The following MCCC2 variants were observed in gnomAD, a reference collection of about 807,000 sequenced individuals.
MCCC2 encodes methylcrotonoyl-CoA carboxylase beta chain, mitochondrial.
A neutral mutation model predicts 77.2 loss-of-function variants in MCCC2; 52 were observed. The observed-to-expected ratio is 0.67, with a 90% CI of 0.54 to 0.85. MCCC2 has a LOEUF of 0.85. Among genes scored for constraint, MCCC2 ranks in the 40% least tolerant of loss-of-function variants. The pLI is 0.00. For synonymous variants in MCCC2, 253 were observed against 248.4 expected, an observed-to-expected ratio of 1.02 and a Z score of -0.18; for missense variants, 682 against 703.2, an observed-to-expected ratio of 0.97 and a Z score of 0.34.
intron 3 of MCCC2, among the ~76,000 whole-genome samples, chr5:71,597,330 G>A (rs1745228083): frequency 6.6e-6 from 1 of 152,168 alleles, no homozygotes; most frequent in Non-Finnish European, 1.5e-5. Context: ...TTATCATAAA[G>A]GTTTTGGTTT....
In MCCC2 at chr5:71,629,443, A is replaced by G. The variant is rs180783206; in HGVS notation, c.739-2678A>G. ...ACTTTGTGCACTTTGTGAATGTACT[A>G]AAAGCCACTGAATTGTATGCTTTAA... On this transcript the variant is annotated intron_variant, in intron 7 of 16. Transcript: ENST00000340941. Among the ~76,000 whole-genome samples the G allele has an allele frequency of 3.9e-4, 60 of 152,252 alleles. 1 individual carries two copies. Among genetic ancestry groups the G allele is most frequent in the African/African-American group, 1.3e-3 (55 of 41,560 alleles).
rs6885247 is a variant in MCCC2, at chr5:71,604,242, G to A, written c.512-114G>A. 6,460 of 893,282 alleles carry A rather than the reference G, an allele frequency of 7.2e-3. 278 individuals are homozygous for A. The African/African-American group carries it at 0.092, about 13-fold the overall frequency. 55.3% of individuals were successfully genotyped at this position (893,282 alleles called of 1,614,324 possible). A position where few individuals can be genotyped will look rare whatever the true frequency, so the allele number is the denominator to read the frequency against. ...GCTCTATAACAGTTTAGAAAGACAG[G>A]GCAAGTTTTTTGTGAATGTGATTAA... On this transcript the variant is annotated intron_variant, in intron 5 of 16. Transcript: ENST00000340941.
chr5:71,651,690 T>C (rs567512997), intron 15 of MCCC2, among the ~76,000 whole-genome samples: 11 of 152,306 alleles, frequency 7.2e-5, no homozygotes, highest in African/African-American at 2.2e-4. Flanking sequence ...GAGACTTACA[T>C]TGAGGTTTCA....
At chr5:71,637,923 A>G (rs1460199751) in intron 10 of MCCC2, among the ~76,000 whole-genome samples, 1 of 151,952 alleles carries the variant, frequency 6.6e-6, no homozygotes, top group Non-Finnish European at 1.5e-5. Flanking sequence ...CGTATTAGCC[A>G]GGATAGTCTT....
intron 2 of MCCC2, 46 bp from the exon 3 acceptor site, chr5:71,596,234 T>C: frequency 6.4e-7 from 1 of 1,555,998 alleles, no homozygotes; most frequent in Non-Finnish European, 8.9e-7. Flanking sequence ...ATTGAGACCT[T>C]TTTATCGTGT....
chr5:71,590,087 ATGT>A (rs1448371610), intron 1 of MCCC2, among the ~76,000 whole-genome samples: 1 of 150,924 alleles, frequency 6.6e-6, no homozygotes, highest in African/African-American at 2.4e-5. Context: ...AGGTTGTAGA[ATGT>A]TGTTTCGCAG....
In MCCC2 at chr5:71,641,282, G is replaced by A. The variant is rs140211607; in HGVS notation, c.1072+207G>A. ...ATCCAAATAGTTTAAAATGTTAATA[G>A]CTAGATGCTGTGGTGTGGGTCCCTA... is the stretch of plus-strand genomic sequence containing the variant. On this transcript the variant is annotated intron_variant, in intron 11 of 16. Transcript: ENST00000340941. The A allele has an allele frequency of 4.3e-4, 248 of 576,424 alleles. 3 individuals carry two copies. Among genetic ancestry groups the A allele is most frequent in the African/African-American group, 4.1e-3 (221 of 53,444 alleles). The allele number at this position is 576,424 out of a possible 1,614,324, so 35.7% of individuals were successfully genotyped here.
At position 71,650,192 on chromosome 5, in the gene MCCC2, C is replaced by T. The variant is rs1561848361; in HGVS notation, c.1488+9C>T. Reference sequence around the variant, plus strand: ...CCCGGGAAGGAAAGCAGGTCGGTGTCGTTTTCTCTTGTTTCTCTCTGGTTT... The same window carrying T: ...CCCGGGAAGGAAAGCAGGTCGGTGTTGTTTTCTCTTGTTTCTCTCTGGTTT... On this transcript the variant is annotated intron_variant, in intron 15 of 16. Coordinates refer to ENST00000340941, the MANE Select transcript of MCCC2 (RefSeq NM_022132.5). 1.9e-6 allele frequency: 3 copies of T among 1,611,796 alleles called. No homozygotes were observed. Among genetic ancestry groups the T allele is most frequent in the Admixed American group, 1.7e-5 (1 of 60,006 alleles).
At chr5:71,653,613 G>T (rs956547271) in intron 16 of MCCC2, among the ~76,000 whole-genome samples, 4 of 152,138 alleles carry the variant, frequency 2.6e-5, no homozygotes, top group Non-Finnish European at 4.4e-5. Flanking sequence ...ATTTTGAGAG[G>T]CCAGGGCGGG....
At chr5:71,638,075 T>G (rs1014827332) in intron 10 of MCCC2, among the ~76,000 whole-genome samples, 1 of 152,200 alleles carries the variant, frequency 6.6e-6, no homozygotes, top group African/African-American at 2.4e-5. Flanking sequence ...TTAACTAAAT[T>G]TATGTAATAC....
At chr5:71,631,538 CTTTT>C (rs544704315) in intron 7 of MCCC2, among the ~76,000 whole-genome samples, 83 of 128,284 alleles carry the variant, frequency 6.5e-4, no homozygotes, top group African/African-American at 8.4e-4. Flanking sequence ...GGTCTTTCTT[CTTTT>C]TTTTTTTTTT....
Position 71,588,487 on chromosome 5 carries a change from A to G in MCCC2, c.129+933A>G, listed in dbSNP as rs78778497. On this transcript the variant is annotated intron_variant, in intron 1 of 16. Transcript: ENST00000340941. ...ACACACAATTGTTTGTCAGTCCAGAATGTTTAATTCAGAATTATTAAGTGG... is the reference window on the plus strand; with the variant it reads ...ACACACAATTGTTTGTCAGTCCAGAGTGTTTAATTCAGAATTATTAAGTGG... Among the ~76,000 whole-genome samples the G allele has an allele frequency of 4.9e-4, 75 of 152,336 alleles. 1 individual carries two copies. In the East Asian group the frequency reaches 0.013, roughly 27 times the overall value.
At chr5:71,603,585 A>G (rs959446616) in intron 5 of MCCC2, among the ~76,000 whole-genome samples, 2 of 152,124 alleles carry the variant, frequency 1.3e-5, no homozygotes, top group African/African-American at 4.8e-5. Flanking sequence ...AACTCACAAT[A>G]CGAACTGCTC....
At chr5:71,599,805 C>A in intron 4 of MCCC2, 45 bp downstream of exon 4, 1 of 1,476,142 alleles carries the variant, frequency 6.8e-7, no homozygotes, top group Non-Finnish European at 9.5e-7. Context: ...GAGAAGAAGA[C>A]TTTGATGAGG....
chr5:71,641,252 C>A, intron 11 of MCCC2, 177 bp downstream of exon 11: 1 of 641,196 alleles, frequency 1.6e-6, no homozygotes, highest in Non-Finnish European at 2.8e-6. Flanking sequence ...TTAATGGCTT[C>A]ATGGATCCAA....
intron 15 of MCCC2, among the ~76,000 whole-genome samples, chr5:71,652,309 A>C (rs1328915214): frequency 6.6e-6 from 1 of 152,282 alleles, no homozygotes; most frequent in African/African-American, 2.4e-5. Context: ...TTAAATGAGA[A>C]TCTCATACTT....
chr5:71,628,120 A>G (rs533100667), intron 7 of MCCC2, among the ~76,000 whole-genome samples: 3 of 152,338 alleles, frequency 2.0e-5, no homozygotes, highest in African/African-American at 7.2e-5. Context: ...CTGGGATTAC[A>G]GGCATGAGCC....
intron 10 of MCCC2, among the ~76,000 whole-genome samples, chr5:71,640,753 G>A (rs562344778): frequency 1.1e-3 from 165 of 152,260 alleles, no homozygotes; most frequent in African/African-American, 3.9e-3. Flanking sequence ...CCAGCCCTTG[G>A]AGCCTTTCCT....
intron 10 of MCCC2, among the ~76,000 whole-genome samples, chr5:71,638,227 C>G (rs934963411): frequency 6.6e-6 from 1 of 152,196 alleles, no homozygotes; most frequent in South Asian, 2.1e-4. Flanking sequence ...TGCAGCAGTT[C>G]AGTTACATCT....
Sources: allele counts gnomAD v4.1 joint callset (sites outside exome capture counted in the v4.1 genomes callset), GRCh38; gene constraint gnomAD v4.1.1; transcripts MANE v1.5; gene names NCBI Gene and HGNC (gene_info 2026-07-23, HGNC 2026-07-21).